Variants in RASA3 observed in about 807,000 individuals in gnomAD.
The protein encoded by RASA3 is RAS p21 protein activator 3.
In RASA3, 73 loss-of-function variants were observed where a neutral mutation model predicts 110.0. The ratio of observed to expected loss-of-function variants is 0.66; its 90% CI spans 0.55 to 0.81. The LOEUF is 0.81. RASA3 is among the 30% of genes least tolerant of loss of function. RASA3 has a pLI of 0.00. For synonymous variants in RASA3, 500 were observed against 451.4 expected (o/e 1.11, Z -1.37); for missense variants, 976 against 1,113.2 (o/e 0.88, Z 1.75).
At chr13:114,089,612 C>T (rs1259050680) in intron 1 of RASA3, among the ~76,000 whole-genome samples, 3 of 152,166 alleles carry the variant, frequency 2.0e-5, no homozygotes, top group Non-Finnish European at 4.4e-5. Flanking sequence ...GACATCAGCC[C>T]TGCACAGACA....
In RASA3 at chr13:114,041,020, C is replaced by G; in HGVS notation, c.352G>C (p.Asp118His). 4 of 1,613,784 alleles carry G rather than the reference C, an allele frequency of 2.5e-6. No individual in the cohort carries two copies. The highest frequency in any genetic ancestry group is 3.4e-6 in the Non-Finnish European group (4 of 1,180,028). Residue 118 changes from aspartate (D) to histidine (H), a missense_variant, in exon 4 of 24, where the codon GAC (aspartate) becomes CAC (histidine). Physicochemically the swap from Asp to His is moderately conservative, Grantham distance 81. This residue lies in a region of RASA3 where 732 missense variants were observed against 779.7 expected (regional missense o/e 0.94). Transcript: ENST00000334062. ...RDTWFQLQHV[D>H]ADSEVQGKVH... ...CTCACCTGCACTTCCGAGTCAGCGT[C>G]CACGTGCTGCAGCTGGAACCAGGTG...
intron 15 of RASA3, among the ~76,000 whole-genome samples, chr13:114,012,626 TCATTCCACACACACTCCC>T: frequency 1.0e-5 from 1 of 98,286 alleles, no homozygotes; most frequent in Middle Eastern, 9.6e-3. Flanking sequence ...CACTCACTCC[TCATTCCACACACACTCCC>T]CATTCCACAC....
At chr13:114,001,267 C>T (rs755206282) in intron 18 of RASA3, among the ~76,000 whole-genome samples, 19 of 152,220 alleles carry the variant, frequency 1.2e-4, no homozygotes, top group Non-Finnish European at 2.5e-4. Context: ...CGGCCGTGGG[C>T]TCAGGGTCAG....
At chr13:114,071,982 G>A (rs1001632938) in intron 2 of RASA3, among the ~76,000 whole-genome samples, 2 of 152,166 alleles carry the variant, frequency 1.3e-5, no homozygotes, top group African/African-American at 2.4e-5. Context: ...TGAACTGAAC[G>A]GTGCAGTCAC....
intron 4 of RASA3, among the ~76,000 whole-genome samples, chr13:114,039,375 C>G (rs889332102): frequency 6.6e-6 from 1 of 152,092 alleles, no homozygotes; most frequent in Non-Finnish European, 1.5e-5. Flanking sequence ...GCGGTCCCAA[C>G]TGAGGACCCA....
chr13:114,002,352 G>A (rs1406501664), intron 18 of RASA3, among the ~76,000 whole-genome samples: 1 of 152,230 alleles, frequency 6.6e-6, no homozygotes, highest in Non-Finnish European at 1.5e-5. Context: ...GCTGGGAGCC[G>A]CCAGGACAGC....
In RASA3 at chr13:114,096,639, C is replaced by T. The variant is rs948810685; in HGVS notation, c.56-22802G>A. Among the ~76,000 whole-genome samples the T allele has an allele frequency of 1.3e-4, 20 of 152,116 alleles. No individual in the cohort carries two copies. Among genetic ancestry groups the T allele is most frequent in the Admixed American group, 4.6e-4 (7 of 15,276 alleles). Reference sequence around the variant, plus strand: ...CCAGCCAAATGACCCATTTCCCAAACGCCTTCCCTTTCCATTCTCTAAATA... The same window carrying T: ...CCAGCCAAATGACCCATTTCCCAAATGCCTTCCCTTTCCATTCTCTAAATA... On this transcript the variant is annotated intron_variant, in intron 1 of 23. Coordinates refer to ENST00000334062, the MANE Select transcript of RASA3 (RefSeq NM_007368.4). The surrounding 1 kb of genome is among the most constrained non-coding windows in gnomAD (Gnocchi z 5.1).
At chr13:114,013,909 T>TGTCTCTCTCTCTCC (rs1491345765) in intron 14 of RASA3, among the ~76,000 whole-genome samples, 1 of 53,518 alleles carries the variant, frequency 1.9e-5, no homozygotes, top group Admixed American at 1.9e-4. Flanking sequence ...TCTCTTTCTC[T>TGTCTCTCTCTCTCC]GTCTCTCTCT....
At chr13:113,998,332 A>G (rs1418646325) in intron 20 of RASA3, among the ~76,000 whole-genome samples, 3 of 152,000 alleles carry the variant, frequency 2.0e-5, no homozygotes, top group Non-Finnish European at 2.9e-5. Context: ...TCCTCTTCAA[A>G]TTACTCTCCA....
chr13:114,015,251 T>A lies in RASA3; in HGVS notation c.1363A>T (p.Ile455Phe). ...GCCGCCTCCCGGAGGGAGAAGAAGATGTCACACATGACGGTCGGGCAGCTC... is the reference window on the plus strand; with the variant it reads ...GCCGCCTCCCGGAGGGAGAAGAAGAAGTCACACATGACGGTCGGGCAGCTC... ...GVSCPTVMCD[I>F]FFSLREAAAK... is the part of the protein sequence containing the mutation. The change falls in exon 14 of 24, where the codon ATC becomes TTC. Residue 455 changes from isoleucine (I) to phenylalanine (F), a missense_variant. Ile to Phe is a conservative substitution (Grantham distance 21). This residue lies in a region of RASA3 where 732 missense variants were observed against 779.7 expected (regional missense o/e 0.94). Coordinates refer to ENST00000334062, the MANE Select transcript of RASA3 (RefSeq NM_007368.4). The A allele has an allele frequency of 1.2e-6, 2 of 1,613,192 alleles. No homozygotes were observed. The highest frequency in any genetic ancestry group is 2.2e-5 in the East Asian group (1 of 44,888).
intron 1 of RASA3, among the ~76,000 whole-genome samples, chr13:114,116,437 A>C (rs1162414260): frequency 6.6e-6 from 1 of 151,994 alleles, no homozygotes; most frequent in Non-Finnish European, 1.5e-5. Flanking sequence ...CGCTGTTCCA[A>C]GCCACTGGGA....
At chr13:113,982,152 G>T (rs1205957211) in intron 22 of RASA3, among the ~76,000 whole-genome samples, 2 of 152,192 alleles carry the variant, frequency 1.3e-5, no homozygotes, top group Non-Finnish European at 2.9e-5. Context: ...TCACCAATCA[G>T]CCATTCTCAC....
At chr13:114,018,352 A>G in intron 10 of RASA3, 100 bp from the exon 11 acceptor site, 1 of 1,370,592 alleles carries the variant, frequency 7.3e-7, no homozygotes, top group Non-Finnish European at 9.7e-7. Context: ...CACAATAGAT[A>G]CGGCTCTTTG....
rs150762044 is a variant in RASA3 at position 114,048,141 on chromosome 13, C to A, written c.277+3911G>T. ...CCACCTTGGCTAACACGGTGAAACC[C>A]CGTCTCTACTGAAAATACAAAAAAT... On this transcript the variant is annotated intron_variant, in intron 3 of 23. Coordinates refer to ENST00000334062, the MANE Select transcript of RASA3 (RefSeq NM_007368.4). The surrounding 1 kb of genome is among the most constrained non-coding windows in gnomAD (Gnocchi z 4.3). 6.0e-3 allele frequency among the ~76,000 whole-genome samples: 910 copies of A among 152,130 alleles called. 2 individuals are homozygous for A. Among genetic ancestry groups the A allele is most frequent in the African/African-American group, 0.018 (729 of 41,510 alleles).
At chr13:114,021,349 C>T (rs190391285) in intron 9 of RASA3, 55 bp downstream of exon 9, 77 of 1,503,454 alleles carry the variant, frequency 5.1e-5, no homozygotes, top group Non-Finnish European at 5.9e-5. Flanking sequence ...AGAGGCAGCA[C>T]GTGTTTTTGT....
chr13:114,042,064 T>G (rs2054421663), intron 3 of RASA3, among the ~76,000 whole-genome samples: 1 of 152,256 alleles, frequency 6.6e-6, no homozygotes, highest in African/African-American at 2.4e-5. Flanking sequence ...ATTTGTACAA[T>G]ATACGTTTAC....
rs1419407234 is a variant in RASA3 at position 114,114,070 on chromosome 13, C to A, written c.55+18365G>T. Reference sequence around the variant, plus strand: ...AGCTCACACCGCATCCATCAATCCACCCACCACAGCAAGTGTCTGCGATGT... The same window carrying A: ...AGCTCACACCGCATCCATCAATCCAACCACCACAGCAAGTGTCTGCGATGT... On this transcript the variant is annotated intron_variant, in intron 1 of 23. Coordinates refer to ENST00000334062, the MANE Select transcript of RASA3 (RefSeq NM_007368.4). The surrounding 1 kb of genome is among the most constrained non-coding windows in gnomAD (Gnocchi z 4.8). Among the ~76,000 whole-genome samples, 2 of 152,228 alleles carry A rather than the reference C, an allele frequency of 1.3e-5. No individual in the cohort carries two copies. Among genetic ancestry groups the A allele is most frequent in the Non-Finnish European group, 2.9e-5 (2 of 68,046 alleles).
chr13:114,129,030 T>C (rs1230626543), intron 1 of RASA3, among the ~76,000 whole-genome samples: 1 of 151,936 alleles, frequency 6.6e-6, no homozygotes, highest in Non-Finnish European at 1.5e-5. Flanking sequence ...AAGCAGTAAG[T>C]ATTGTGGAAA....
intron 16 of RASA3, among the ~76,000 whole-genome samples, chr13:114,010,518 C>T (rs117138891): frequency 6.6e-6 from 1 of 151,288 alleles, no homozygotes; most frequent in East Asian, 2.0e-4. Flanking sequence ...GCACCAGATC[C>T]AGTCTGAAGG....
Sources: allele counts gnomAD v4.1 joint callset (sites outside exome capture counted in the v4.1 genomes callset), GRCh38; gene constraint gnomAD v4.1.1; regional missense constraint gnomAD v4.1.1; non-coding constraint Gnocchi (gnomAD v3.1); transcripts MANE v1.5; gene names NCBI Gene and HGNC (gene_info 2026-07-23, HGNC 2026-07-21).